Variants in RANBP17 observed in about 807,000 individuals in gnomAD.
RANBP17 encodes RAN binding protein 17.
Under a neutral mutation model 141.2 loss-of-function variants are expected in RANBP17, and 158 were observed. The observed-to-expected ratio is 1.12, with a 90% CI of 0.98 to 1.28. The LOEUF (loss-of-function observed/expected upper bound fraction) is 1.28. Among genes scored for constraint, RANBP17 ranks in the 50% most tolerant of loss-of-function variants. RANBP17 has a pLI of 0.00. For missense variants in RANBP17, 1,438 were observed against 1,290.7 expected, an observed-to-expected ratio of 1.11 and a Z score of -1.75; for synonymous variants, 430 against 450.0, an observed-to-expected ratio of 0.96 and a Z score of 0.56.
intron 16 of RANBP17, among the ~76,000 whole-genome samples, chr5:171,172,795 A>G (rs1418263860): frequency 6.6e-6 from 1 of 151,798 alleles, no homozygotes; most frequent in Non-Finnish European, 1.5e-5. Flanking sequence ...CATAATGCCT[A>G]ATTTATTTGT....
At chr5:171,225,583 C>G (rs1763833915) in intron 22 of RANBP17, among the ~76,000 whole-genome samples, 1 of 152,142 alleles carries the variant, frequency 6.6e-6, no homozygotes, top group Admixed American at 6.5e-5. Flanking sequence ...CACTGTTTAT[C>G]TCTTTGGTAA....
At chr5:171,038,814 CT>C (rs1369473815) in intron 14 of RANBP17, among the ~76,000 whole-genome samples, 1 of 152,114 alleles carries the variant, frequency 6.6e-6, no homozygotes, top group African/African-American at 2.4e-5. Flanking sequence ...ATGAAGCTTA[CT>C]TGTTCCTGGT....
chr5:171,037,178 AT>A (rs971593171), intron 14 of RANBP17, among the ~76,000 whole-genome samples: 7 of 151,150 alleles, frequency 4.6e-5, no homozygotes, highest in Admixed American at 3.3e-4. Context: ...TGTAATTTTG[AT>A]TTTCATTTCT....
intron 21 of RANBP17, among the ~76,000 whole-genome samples, chr5:171,216,161 T>G (rs927264030): frequency 2.6e-5 from 4 of 152,066 alleles, no homozygotes; most frequent in African/African-American, 9.7e-5. Context: ...AATAGGAGAT[T>G]TTTTCTCCAT....
At chr5:171,191,490 A>G (rs1261145715) in intron 18 of RANBP17, among the ~76,000 whole-genome samples, 1 of 152,148 alleles carries the variant, frequency 6.6e-6, no homozygotes, top group African/African-American at 2.4e-5. Context: ...GATCGAGACC[A>G]TCCTGGCTAA....
At chr5:171,209,521 A>G (rs1349632154) in intron 20 of RANBP17, among the ~76,000 whole-genome samples, 1 of 152,184 alleles carries the variant, frequency 6.6e-6, no homozygotes, top group Non-Finnish European at 1.5e-5. Flanking sequence ...TGTGCCAGAC[A>G]AAAGGAATGA....
intron 14 of RANBP17, chr5:170,983,079 CTG>C (rs376808023): frequency 9.6e-5 from 49 of 511,328 alleles, no homozygotes; most frequent in African/African-American, 7.0e-4. Flanking sequence ...TTGCTGGAGA[CTG>C]TATACTACTC....
intron 14 of RANBP17, among the ~76,000 whole-genome samples, chr5:171,122,709 T>G (rs2127775366): frequency 6.6e-6 from 1 of 152,312 alleles, no homozygotes; most frequent in South Asian, 2.1e-4. Context: ...GAGAGTAGTA[T>G]AGGAAGCTAC....
intron 14 of RANBP17, among the ~76,000 whole-genome samples, chr5:171,156,877 A>T (rs1041789579): frequency 6.6e-6 from 1 of 152,168 alleles, no homozygotes; most frequent in Admixed American, 6.5e-5. Flanking sequence ...TATCGAAAAC[A>T]GTCTTTTTTT....
At chr5:171,031,800 C>T (rs1182114855) in intron 14 of RANBP17, among the ~76,000 whole-genome samples, 1 of 151,928 alleles carries the variant, frequency 6.6e-6, no homozygotes, top group Non-Finnish European at 1.5e-5. Context: ...TGGTGTCTTG[C>T]CATTAACTCA....
chr5:171,193,611 G>A (rs775019384), intron 18 of RANBP17, among the ~76,000 whole-genome samples: 3 of 152,208 alleles, frequency 2.0e-5, no homozygotes, highest in Non-Finnish European at 4.4e-5. Context: ...AAATCAAGGT[G>A]TCAGCAGGGC....
chr5:170,946,429 G>C (rs1774767121), intron 12 of RANBP17, among the ~76,000 whole-genome samples: 1 of 152,116 alleles, frequency 6.6e-6, no homozygotes, highest in Admixed American at 6.5e-5. Context: ...ATTACATGAA[G>C]TGTATAACAT....
chr5:171,083,150 C>A (rs944170485), intron 14 of RANBP17, among the ~76,000 whole-genome samples: 2 of 152,056 alleles, frequency 1.3e-5, no homozygotes, highest in African/African-American at 4.8e-5. Context: ...TTACATTTTG[C>A]ATTGGTTACT....
At chr5:171,118,017 AT>A (rs1399759857) in intron 14 of RANBP17, among the ~76,000 whole-genome samples, 1 of 151,980 alleles carries the variant, frequency 6.6e-6, no homozygotes, top group Non-Finnish European at 1.5e-5. Context: ...ATATAATCCC[AT>A]TTATTTACTT....
chr5:171,230,835 C>T (rs1001434034), intron 22 of RANBP17, among the ~76,000 whole-genome samples: 3 of 151,932 alleles, frequency 2.0e-5, no homozygotes, highest in African/African-American at 7.3e-5. Flanking sequence ...ATGGTATGAC[C>T]ATATTTACAT....
At chr5:171,278,095 G>T (rs755356315) in intron 25 of RANBP17, among the ~76,000 whole-genome samples, 2 of 151,782 alleles carry the variant, frequency 1.3e-5, no homozygotes, top group African/African-American at 2.4e-5. Context: ...AGTGGCTCAT[G>T]CCTGTAATCT....
In RANBP17 at chr5:171,213,658, G is replaced by C; in HGVS notation, c.2259G>C (p.Gln753His). The C allele has an allele frequency of 6.2e-7, 1 of 1,613,740 alleles. No individual in the cohort carries two copies. The highest frequency in any genetic ancestry group is 8.5e-7 in the Non-Finnish European group (1 of 1,179,730). Reference sequence around the variant, plus strand: ...ACCCAACGTACCTTCCCCTTCTTCAGAATGCTGTTGAACGGTGGTATGGAG... The same window carrying C: ...ACCCAACGTACCTTCCCCTTCTTCACAATGCTGTTGAACGGTGGTATGGAG... ...WMYPTYLPLL[Q>H]NAVERWYGEP... Residue 753 changes from glutamine (Q) to histidine (H), a missense_variant, in exon 21 of 28, where the codon CAG becomes CAC. Coordinates refer to ENST00000523189, the MANE Select transcript of RANBP17 (RefSeq NM_022897.5).
intron 19 of RANBP17, among the ~76,000 whole-genome samples, chr5:171,201,252 C>T (rs1762281864): frequency 6.6e-6 from 1 of 152,092 alleles, no homozygotes; most frequent in Non-Finnish European, 1.5e-5. Flanking sequence ...TACACTTTAA[C>T]GGTATTTGCA....
chr5:171,016,310 T>C (rs951901720), intron 14 of RANBP17, among the ~76,000 whole-genome samples: 4 of 151,978 alleles, frequency 2.6e-5, no homozygotes, highest in African/African-American at 9.7e-5. Flanking sequence ...GCACAAGTTT[T>C]AAATTTTTTT....
Sources: gnomAD v4.1 joint callset for allele counts (sites outside exome capture counted in the v4.1 genomes callset) on GRCh38, gnomAD v4.1.1 for gene constraint, MANE v1.5 for transcripts, NCBI Gene and HGNC (gene_info 2026-07-23, HGNC 2026-07-21) for gene names.